GALNT13: variants seen among roughly 807,000 people sequenced by gnomAD.
GALNT13 encodes UDP-GalNAc:polypeptide N-acetylgalactosaminyltransferase 13.
Under a neutral mutation model 64.2 loss-of-function variants are expected in GALNT13, and 28 were observed. That is an observed-to-expected ratio of 0.44 (90% CI 0.32 to 0.60). The LOEUF is 0.60. GALNT13 is among the 20% of genes least tolerant of loss of function. The pLI, the probability that GALNT13 is intolerant of heterozygous loss-of-function variation, is 0.05. For synonymous variants in GALNT13, 214 were observed against 224.6 expected, an observed-to-expected ratio of 0.95 and a Z score of 0.42; for missense variants, 577 against 669.8, an observed-to-expected ratio of 0.86 and a Z score of 1.53.
At chr2:153,225,805 C>G in the GALNT13 span, among the ~76,000 whole-genome samples, 1 of 152,216 alleles carries the variant, frequency 6.6e-6, no homozygotes, top group Admixed American at 6.5e-5. Flanking sequence ...TTCTAAAACA[C>G]TGATGAGAGA....
At chr2:154,197,953 G>A (rs992978555) in intron 4 of GALNT13, among the ~76,000 whole-genome samples, 15 of 114,544 alleles carry the variant, frequency 1.3e-4, no homozygotes, top group African/African-American at 3.1e-4. Context: ...ACTAAAAACC[G>A]TAATAAACCC....
chr2:154,350,523 C>T (rs547971766), intron 9 of GALNT13, among the ~76,000 whole-genome samples: 8 of 152,324 alleles, frequency 5.3e-5, no homozygotes, highest in African/African-American at 1.9e-4. Flanking sequence ...AGCTTCCCTA[C>T]TTTTGAGGTT....
At chr2:154,243,725 G>A (rs1224312805) in intron 6 of GALNT13, among the ~76,000 whole-genome samples, 1 of 152,132 alleles carries the variant, frequency 6.6e-6, no homozygotes, top group Non-Finnish European at 1.5e-5. Flanking sequence ...AACATTGAAT[G>A]CCAACTGATA....
the GALNT13 span, among the ~76,000 whole-genome samples, chr2:153,195,418 G>A: frequency 6.6e-6 from 1 of 152,202 alleles, no homozygotes; most frequent in Non-Finnish European, 1.5e-5. Context: ...CAGCCACTGT[G>A]CAGTCAGACA....
intron 9 of GALNT13, among the ~76,000 whole-genome samples, chr2:154,324,638 G>A (rs13032599): frequency 0.23 from 34,775 of 151,980 alleles, 4,881 homozygotes; most frequent in Admixed American, 0.33. Flanking sequence ...AATTAGGGTA[G>A]CTACAAGGAA....
chr2:153,082,679 TTAAA>T, the GALNT13 span, among the ~76,000 whole-genome samples: 12 of 130,016 alleles, frequency 9.2e-5, no homozygotes, highest in East Asian at 6.6e-4. Context: ...ATATAATTTA[TTAAA>T]TAAATAAAGT....
the GALNT13 span, among the ~76,000 whole-genome samples, chr2:153,256,764 G>A: frequency 3.6e-3 from 541 of 152,298 alleles, 3 homozygotes; most frequent in African/African-American, 0.012. Flanking sequence ...TAGGCTGCTC[G>A]GGGGTCAAGG....
chr2:154,279,913 A>G (rs1369477546), intron 8 of GALNT13, among the ~76,000 whole-genome samples: 1 of 152,060 alleles, frequency 6.6e-6, no homozygotes, highest in African/African-American at 2.4e-5. Context: ...GGTGTTTCAC[A>G]TTGGTTCTTG....
chr2:154,412,583 AC>A (rs1055559794), intron 11 of GALNT13, among the ~76,000 whole-genome samples: 25 of 151,838 alleles, frequency 1.6e-4, no homozygotes, highest in African/African-American at 6.0e-4. Context: ...TTATACCTTA[AC>A]CATTTCTCCT....
the GALNT13 span, among the ~76,000 whole-genome samples, chr2:153,149,558 A>G: frequency 1.8e-4 from 28 of 151,930 alleles, no homozygotes; most frequent in East Asian, 3.9e-4. Context: ...AAAGATGTCA[A>G]TGTTTCAAGA....
intron 1 of GALNT13, among the ~76,000 whole-genome samples, chr2:153,886,032 A>G (rs2105254219): frequency 6.6e-6 from 1 of 152,156 alleles, no homozygotes; most frequent in African/African-American, 2.4e-5. Flanking sequence ...AGAGAGAGAA[A>G]TGAGGAAGTT....
chr2:153,615,128 A>G, the GALNT13 span, among the ~76,000 whole-genome samples: 2 of 152,056 alleles, frequency 1.3e-5, no homozygotes, highest in East Asian at 1.9e-4. Flanking sequence ...AAAACATACC[A>G]TGTTTGTCTT....
intron 4 of GALNT13, among the ~76,000 whole-genome samples, chr2:154,191,256 C>T (rs371691998): frequency 1.3e-5 from 2 of 152,188 alleles, no homozygotes; most frequent in African/African-American, 2.4e-5. Context: ...CACATTTGCA[C>T]GCGCACGCAC....
the GALNT13 span, among the ~76,000 whole-genome samples, chr2:153,097,367 C>A: frequency 6.6e-6 from 1 of 151,904 alleles, no homozygotes; most frequent in Non-Finnish European, 1.5e-5. Flanking sequence ...AGTTTTGTAC[C>A]TTCAGGTGAT....
intron 4 of GALNT13, among the ~76,000 whole-genome samples, chr2:154,168,673 TAA>T (rs70983708): frequency 9.9e-6 from 1 of 101,102 alleles, no homozygotes; most frequent in Non-Finnish European, 2.1e-5. Flanking sequence ...TCTCTACTAT[TAA>T]AAAAAAAAAA....
chr2:153,324,766 T>C, the GALNT13 span, among the ~76,000 whole-genome samples: 7 of 152,224 alleles, frequency 4.6e-5, no homozygotes, highest in Non-Finnish European at 1.0e-4. Flanking sequence ...TTGGTTCTGT[T>C]TATGTGATGG....
chr2:154,134,703 A>G (rs994221744), intron 3 of GALNT13, among the ~76,000 whole-genome samples: 2 of 152,210 alleles, frequency 1.3e-5, no homozygotes, highest in East Asian at 3.9e-4. Context: ...AAAAATTAGC[A>G]TGTACAGGCT....
chr2:154,154,384 T>C (rs1282241264), intron 4 of GALNT13, among the ~76,000 whole-genome samples: 3 of 152,214 alleles, frequency 2.0e-5, no homozygotes, highest in East Asian at 1.9e-4. Flanking sequence ...TCCAAGCTCA[T>C]TGGCCTGCAG....
the GALNT13 span, among the ~76,000 whole-genome samples, chr2:153,725,464 AAATAAT>A: frequency 6.6e-6 from 1 of 150,610 alleles, no homozygotes; most frequent in African/African-American, 2.4e-5. Flanking sequence ...AATTAAAAAA[AAATAAT>A]AATAATAGTA....
Sources: gnomAD v4.1 joint callset for allele counts (sites outside exome capture counted in the v4.1 genomes callset) on GRCh38, gnomAD v4.1.1 for gene constraint, MANE v1.5 for transcripts, NCBI Gene and HGNC (gene_info 2026-07-23, HGNC 2026-07-21) for gene names.